JARID2: variants seen among roughly 807,000 people sequenced by gnomAD.
JARID2 encodes jumonji and AT-rich interaction domain containing 2.
In JARID2, 21 loss-of-function variants were observed where a neutral mutation model predicts 125.6. The observed-to-expected ratio is 0.17, with a 90% CI of 0.12 to 0.24. The LOEUF (loss-of-function observed/expected upper bound fraction) is 0.24. Among genes scored for constraint, JARID2 ranks in the 10% least tolerant of loss-of-function variants. The pLI, the probability that JARID2 is intolerant of heterozygous loss-of-function variation, is 1.00. For synonymous variants in JARID2, 736 were observed against 661.6 expected (o/e 1.11, Z -1.73); for missense variants, 1,303 against 1,639.6 (o/e 0.79, Z 3.55).
At chr6:15,381,524 GGACACACTCTGCAT>G (rs1433618399) in intron 2 of JARID2, among the ~76,000 whole-genome samples, 6 of 152,020 alleles carry the variant, frequency 3.9e-5, no homozygotes, top group Non-Finnish European at 8.8e-5. Flanking sequence ...CCTGATGTGA[GGACACACTCTGCAT>G]GAAAGAAAGC....
At chr6:15,343,947 C>A (rs1209023443) in intron 1 of JARID2, among the ~76,000 whole-genome samples, 1 of 152,066 alleles carries the variant, frequency 6.6e-6, no homozygotes, top group Non-Finnish European at 1.5e-5. Flanking sequence ...TAAATAGCTC[C>A]AGACTATTAA....
intron 1 of JARID2, among the ~76,000 whole-genome samples, chr6:15,291,927 C>T (rs1761232812): frequency 6.6e-6 from 1 of 151,750 alleles, no homozygotes; most frequent in Non-Finnish European, 1.5e-5. Flanking sequence ...ACATATGTTC[C>T]ATAATAACAA....
intron 3 of JARID2, among the ~76,000 whole-genome samples, chr6:15,423,477 T>A (rs1766590630): frequency 6.6e-6 from 1 of 152,112 alleles, no homozygotes; most frequent in Non-Finnish European, 1.5e-5. Context: ...GGAATGTGGT[T>A]TGTTGGTGTA....
In JARID2 at chr6:15,400,135, G is replaced by T. The variant is rs201211062; in HGVS notation, c.182-10089G>T. 3.7e-4 allele frequency among the ~76,000 whole-genome samples: 56 copies of T among 152,264 alleles called. No homozygotes were observed. The East Asian group carries it at 6.0e-3, about 16-fold the overall frequency. On this transcript the variant is annotated intron_variant, in intron 2 of 17. Coordinates refer to ENST00000341776, the MANE Select transcript of JARID2 (RefSeq NM_004973.4). The stretch of plus-strand genomic sequence containing the variant: ...CCTCAAGAAACAATGAGAGAAAACA[G>T]CTTCTGTTTGATTAGATTAGATCAA...
intron 1 of JARID2, among the ~76,000 whole-genome samples, chr6:15,265,241 GC>G (rs1296241731): frequency 7.9e-5 from 12 of 152,068 alleles, no homozygotes; most frequent in Non-Finnish European, 1.6e-4. Context: ...ATCCAGCCCA[GC>G]CCTTGTCTTT....
At chr6:15,375,118 T>C (rs936528214) in intron 2 of JARID2, among the ~76,000 whole-genome samples, 14 of 152,232 alleles carry the variant, frequency 9.2e-5, no homozygotes, top group Admixed American at 7.9e-4. Flanking sequence ...AGGTTCACCA[T>C]GGCTTCCAAT....
intron 1 of JARID2, among the ~76,000 whole-genome samples, chr6:15,262,041 A>G (rs1461487516): frequency 6.6e-6 from 1 of 151,814 alleles, no homozygotes; most frequent in East Asian, 1.9e-4. Flanking sequence ...CAACCTCCGA[A>G]AGTGCTGGGA....
At chr6:15,296,441 T>C (rs1384770949) in intron 1 of JARID2, among the ~76,000 whole-genome samples, 1 of 152,122 alleles carries the variant, frequency 6.6e-6, no homozygotes, top group Admixed American at 6.6e-5. Context: ...TTACGAGTGG[T>C]TTTTTAATGA....
chr6:15,265,955 C>T (rs1038683200), intron 1 of JARID2, among the ~76,000 whole-genome samples: 2 of 152,120 alleles, frequency 1.3e-5, no homozygotes, highest in Non-Finnish European at 2.9e-5. Context: ...ATCAGGTCTC[C>T]TAGCCAACGG....
At chr6:15,445,310 A>G (rs752769615) in intron 3 of JARID2, among the ~76,000 whole-genome samples, 2 of 152,210 alleles carry the variant, frequency 1.3e-5, no homozygotes, top group Non-Finnish European at 2.9e-5. Context: ...CTTTACAAGC[A>G]TGGTCTCGTG....
chr6:15,270,029 A>G (rs1182162881), intron 1 of JARID2, among the ~76,000 whole-genome samples: 1 of 152,232 alleles, frequency 6.6e-6, no homozygotes, highest in Non-Finnish European at 1.5e-5. Context: ...CAAAGGGAAC[A>G]TACTCATTTC....
intron 2 of JARID2, among the ~76,000 whole-genome samples, chr6:15,390,648 C>T (rs748536564): frequency 2.6e-5 from 4 of 152,104 alleles, no homozygotes; most frequent in South Asian, 2.1e-4. Context: ...TCTCTGGGAA[C>T]GCAAGCTGGG....
chr6:15,487,169 A>G, intron 5 of JARID2, 138 bp from the exon 6 acceptor site: 1 of 706,998 alleles, frequency 1.4e-6, no homozygotes, highest in Non-Finnish European at 2.4e-6. Flanking sequence ...GTCACCTCCC[A>G]CCAGTTCCCT....
chr6:15,283,274 G>C (rs140929357), intron 1 of JARID2, among the ~76,000 whole-genome samples: 7 of 149,810 alleles, frequency 4.7e-5, no homozygotes, highest in Non-Finnish European at 7.4e-5. Context: ...CACTGCGCCC[G>C]GCCGTTCTGG....
At chr6:15,396,915 A>C (rs1382638825) in intron 2 of JARID2, among the ~76,000 whole-genome samples, 2 of 152,122 alleles carry the variant, frequency 1.3e-5, no homozygotes, top group African/African-American at 4.8e-5. Flanking sequence ...GGGTCACCCT[A>C]CTATGTTCTT....
At chr6:15,288,567 C>G (rs778379996) in intron 1 of JARID2, among the ~76,000 whole-genome samples, 21 of 152,168 alleles carry the variant, frequency 1.4e-4, no homozygotes, top group African/African-American at 1.9e-4. Context: ...AATATAAGAT[C>G]CACAAGGGTG....
intron 9 of JARID2, 141 bp from the exon 10 acceptor site, chr6:15,506,995 C>T (rs923800385): frequency 1.6e-6 from 1 of 639,462 alleles, no homozygotes; most frequent in African/African-American, 1.8e-5. Flanking sequence ...TAGCGTCCTG[C>T]TGGAGACACT....
At chr6:15,513,726 C>A (rs143974600) in intron 16 of JARID2, among the ~76,000 whole-genome samples, 90 of 152,370 alleles carry the variant, frequency 5.9e-4, no homozygotes, top group African/African-American at 2.0e-3. Context: ...CTTTGTCACT[C>A]CAGCCCCCAC....
rs147857357 is a variant in JARID2, at chr6:15,422,327, G to A, written c.323+11962G>A. Reference sequence around the variant, plus strand: ...GTGGCTCACATCACAGTGCTTGCTTGTGCATATTCACCTTTCCCATGGAAA... The same window carrying A: ...GTGGCTCACATCACAGTGCTTGCTTATGCATATTCACCTTTCCCATGGAAA... On this transcript the variant is annotated intron_variant, in intron 3 of 17. Transcript: ENST00000341776. 4.0e-3 allele frequency among the ~76,000 whole-genome samples: 606 copies of A among 152,310 alleles called. 3 individuals carry two copies. Among genetic ancestry groups the A allele is most frequent in the Middle Eastern group, 0.01 (3 of 294 alleles).
Sources: gnomAD v4.1 joint callset for allele counts (sites outside exome capture counted in the v4.1 genomes callset) on GRCh38, gnomAD v4.1.1 for gene constraint, MANE v1.5 for transcripts, NCBI Gene and HGNC (gene_info 2026-07-23, HGNC 2026-07-21) for gene names.